RAB3C: variants seen among roughly 807,000 people sequenced by gnomAD.
The protein encoded by RAB3C is ras-related protein Rab-3C.
In RAB3C, 17 loss-of-function variants were observed where a neutral mutation model predicts 26.4. The observed-to-expected ratio is 0.64, with a 90% CI of 0.44 to 0.97. The LOEUF is 0.97. RAB3C is among the 50% of genes least tolerant of loss of function. The probability of loss-of-function intolerance (pLI) is 0.00; values close to 1 mark genes in which losing one functional copy is unlikely to be tolerated. For synonymous variants in RAB3C, 91 were observed against 95.9 expected (o/e 0.95, Z 0.30); for missense variants, 242 against 281.9 (o/e 0.86, Z 1.01).
chr5:58,662,327 T>C (rs1288463491), intron 2 of RAB3C, among the ~76,000 whole-genome samples: 2 of 150,202 alleles, frequency 1.3e-5, no homozygotes, highest in Admixed American at 6.6e-5. Flanking sequence ...AATACAAAAT[T>C]ATGATTGTAG....
chr5:58,857,302 T>C lies in RAB3C; in HGVS notation c.*5951T>C, dbSNP rs1026647193. 5 of 152,176 alleles carry C rather than the reference T, an allele frequency of 3.3e-5. No homozygotes were observed. Among genetic ancestry groups the C allele is most frequent in the African/African-American group, 1.2e-4 (5 of 41,442 alleles). The allele number at this position is 152,176 out of a possible 1,614,324, so 9.4% of individuals were successfully genotyped here. On this transcript the variant is annotated 3_prime_UTR_variant, in exon 5 of 5. Transcript: ENST00000282878. The stretch of plus-strand genomic sequence containing the variant: ...TGCCTACTTCAAAATACTTTTTTCT[T>C]ATAAAACCAAACATTTAGTATCTGG...
At chr5:58,803,848 CA>C (rs1324624080) in intron 3 of RAB3C, among the ~76,000 whole-genome samples, 1 of 152,128 alleles carries the variant, frequency 6.6e-6, no homozygotes, top group Admixed American at 6.5e-5. Context: ...ATCACAAGGT[CA>C]GGAGTTCGAG....
At chr5:58,848,009 A>C (rs1744040517) in intron 4 of RAB3C, among the ~76,000 whole-genome samples, 1 of 152,148 alleles carries the variant, frequency 6.6e-6, no homozygotes, top group African/African-American at 2.4e-5. Flanking sequence ...GGCACATGCC[A>C]CAACGCCTGG....
At chr5:58,769,768 A>G (rs912326141) in intron 3 of RAB3C, among the ~76,000 whole-genome samples, 2 of 152,198 alleles carry the variant, frequency 1.3e-5, no homozygotes, top group Non-Finnish European at 2.9e-5. Flanking sequence ...ATTCTTCAAG[A>G]TATAAATTTA....
chr5:58,645,681 T>A (rs1293645085), intron 2 of RAB3C, among the ~76,000 whole-genome samples: 7 of 152,206 alleles, frequency 4.6e-5, no homozygotes, highest in Non-Finnish European at 4.4e-5. Flanking sequence ...GCAGTGGATA[T>A]CATAGCATTT....
chr5:58,687,695 G>A (rs998262760), intron 2 of RAB3C, among the ~76,000 whole-genome samples: 7 of 151,946 alleles, frequency 4.6e-5, no homozygotes, highest in Non-Finnish European at 8.8e-5. Flanking sequence ...CTTAATATTG[G>A]CATAAATTGC....
chr5:58,734,478 G>C (rs2111934552), intron 3 of RAB3C, among the ~76,000 whole-genome samples: 2 of 152,230 alleles, frequency 1.3e-5, no homozygotes, highest in South Asian at 4.2e-4. Context: ...ACCGCGGGGA[G>C]TCTCTTCTTT....
intron 2 of RAB3C, among the ~76,000 whole-genome samples, chr5:58,707,084 C>A (rs1330713942): frequency 6.6e-6 from 1 of 152,080 alleles, no homozygotes; most frequent in South Asian, 2.1e-4. Context: ...CAACTTTAAG[C>A]AAATTGGAAG....
At chr5:58,599,161 TCA>T (rs1291109883) in intron 1 of RAB3C, among the ~76,000 whole-genome samples, 1 of 152,140 alleles carries the variant, frequency 6.6e-6, no homozygotes, top group Non-Finnish European at 1.5e-5. Context: ...TTATCCATAC[TCA>T]CATCCCACTA....
In RAB3C at chr5:58,764,911, G is replaced by A. The variant is rs529205207; in HGVS notation, c.371+38791G>A. Among the ~76,000 whole-genome samples, 9 of 152,200 alleles carry A rather than the reference G, an allele frequency of 5.9e-5. No homozygotes were observed. In the South Asian group the frequency reaches 1.7e-3, roughly 28 times the overall value. On this transcript the variant is annotated intron_variant, in intron 3 of 4. Transcript: ENST00000282878. ...ATCTATTATGATCTTTCTTATAACA[G>A]AAGGAAACATTAAGGAGAATACTGG...
chr5:58,777,561 T>G (rs989195285), intron 3 of RAB3C, among the ~76,000 whole-genome samples: 5 of 151,830 alleles, frequency 3.3e-5, no homozygotes, highest in African/African-American at 9.7e-5. Context: ...ATATCTCCCA[T>G]AAGACTGGGA....
At chr5:58,612,550 A>ATATATATATATATGTATATATATATATG in intron 1 of RAB3C, among the ~76,000 whole-genome samples, 1 of 91,774 alleles carries the variant, frequency 1.1e-5, no homozygotes, top group African/African-American at 4.5e-5. Context: ...ATATATATGT[A>ATATATATATATATGTATATATATATATG]TATATATATA....
chr5:58,700,735 T>A (rs1265866535), intron 2 of RAB3C, among the ~76,000 whole-genome samples: 1 of 152,234 alleles, frequency 6.6e-6, no homozygotes, highest in African/African-American at 2.4e-5. Flanking sequence ...ATATAAAATA[T>A]GTAACATGTA....
At chr5:58,649,920 C>T (rs1002039008) in intron 2 of RAB3C, among the ~76,000 whole-genome samples, 2 of 152,194 alleles carry the variant, frequency 1.3e-5, no homozygotes, top group African/African-American at 4.8e-5. Context: ...CAAAAAGCAG[C>T]ACTCTCTGTT....
intron 3 of RAB3C, among the ~76,000 whole-genome samples, chr5:58,793,577 G>A (rs1579921475): frequency 2.1e-5 from 2 of 94,656 alleles, no homozygotes; most frequent in Admixed American, 2.4e-4. Context: ...ACTTCATTTT[G>A]CCACTTTTTT....
At chr5:58,838,126 A>T (rs2112075862) in intron 4 of RAB3C, among the ~76,000 whole-genome samples, 1 of 152,126 alleles carries the variant, frequency 6.6e-6, no homozygotes, top group East Asian at 1.9e-4. Flanking sequence ...CACGCCTGTA[A>T]TCCCAGTACT....
At chr5:58,737,059 A>G (rs1176335934) in intron 3 of RAB3C, among the ~76,000 whole-genome samples, 1 of 151,904 alleles carries the variant, frequency 6.6e-6, no homozygotes, top group Non-Finnish European at 1.5e-5. Context: ...ACCCCGTACA[A>G]TTTGCCCACT....
intron 3 of RAB3C, among the ~76,000 whole-genome samples, chr5:58,793,601 G>A (rs1895426): frequency 0.13 from 14,844 of 117,182 alleles, 1,057 homozygotes; most frequent in East Asian, 0.25. Flanking sequence ...TTTTGCTTTG[G>A]CAGAGTACAG....
intron 3 of RAB3C, among the ~76,000 whole-genome samples, chr5:58,749,690 A>T (rs929737790): frequency 1.3e-5 from 2 of 152,200 alleles, no homozygotes; most frequent in Non-Finnish European, 2.9e-5. Context: ...ATGGTTTGTC[A>T]TATTAAAATT....
Sources: allele counts gnomAD v4.1 joint callset (sites outside exome capture counted in the v4.1 genomes callset), GRCh38; gene constraint gnomAD v4.1.1; transcripts MANE v1.5; gene names NCBI Gene and HGNC (gene_info 2026-07-23, HGNC 2026-07-21).